P2RY12: variants seen among roughly 807,000 people sequenced by gnomAD.
The protein encoded by P2RY12 is P2Y purinoceptor 12.
A neutral mutation model predicts 4.5 loss-of-function variants in P2RY12; 3 were observed. The ratio of observed to expected loss-of-function variants is 0.67; its 90% CI spans 0.31 to 1.74. P2RY12 has a LOEUF of 1.74. Among genes scored for constraint, P2RY12 ranks in the 40% most tolerant of loss-of-function variants. The probability of loss-of-function intolerance (pLI) is 0.09; values close to 1 mark genes in which losing one functional copy is unlikely to be tolerated. For missense variants in P2RY12, 356 were observed against 407.8 expected (o/e 0.87, Z 1.09); for synonymous variants, 148 against 154.1 (o/e 0.96, Z 0.29).
intron 1 of P2RY12, chr3:151,377,225 G>C: frequency 6.6e-7 from 1 of 1,514,886 alleles, no homozygotes; most frequent in Non-Finnish European, 9.0e-7. Context: ...TTTTTCACAA[G>C]TAACGGTAAA....
intron 1 of P2RY12, chr3:151,376,285 C>G: frequency 8.3e-7 from 1 of 1,205,250 alleles, no homozygotes; most frequent in Non-Finnish European, 1.1e-6. Flanking sequence ...GTTACTTCCT[C>G]TCTTTTTTTG....
chr3:151,383,721 A>G (rs1056746464), intron 1 of P2RY12: 21 of 1,082,598 alleles, frequency 1.9e-5, no homozygotes, highest in Admixed American at 8.3e-5. Context: ...ACATAAAGCA[A>G]TGGGGTGTTC....
chr3:151,362,790 TATGAA>T (rs1346224544), intron 1 of P2RY12, among the ~76,000 whole-genome samples: 7 of 152,164 alleles, frequency 4.6e-5, no homozygotes. Flanking sequence ...AGTGTGAAAA[TATGAA>T]ATGGGTTAGG....
chr3:151,343,291 C>T (rs1752104737), intron 1 of P2RY12, among the ~76,000 whole-genome samples: 1 of 152,160 alleles, frequency 6.6e-6, no homozygotes, highest in South Asian at 2.1e-4. Context: ...ATTACTAATT[C>T]AGAATACTTA....
At position 151,360,649 on chromosome 3, in the gene P2RY12, A is replaced by G. The variant is rs754322880; in HGVS notation, c.-179-19889T>C. The G allele has an allele frequency of 5.8e-6, 9 of 1,560,144 alleles. No individual in the cohort carries two copies. In the East Asian group the frequency reaches 1.1e-4, roughly 20 times the overall value. ...AAAGGACAGAAATAGGATCATGCCT[A>G]TGTTTGTTAGTGACCCTGACAATAT... On this transcript the variant is annotated intron_variant, in intron 1 of 2. Coordinates refer to ENST00000302632, the MANE Select transcript of P2RY12 (RefSeq NM_022788.5).
In P2RY12 at chr3:151,377,996, C is replaced by T. The variant is rs376950985; in HGVS notation, c.-180+6696G>A. On this transcript the variant is annotated intron_variant, in intron 1 of 2. Transcript: ENST00000302632. ...AAGGATGCTTTCTCCGGTGTAACAC[C>T]TGTTTCTGATTTTAGTTCCTCCGAA... The T allele has an allele frequency of 1.5e-5, 24 of 1,581,854 alleles. No individual in the cohort carries two copies. In the African/African-American group the frequency reaches 3.2e-4, roughly 21 times the overall value.
Position 151,338,088 on chromosome 3 carries a change from T to A in P2RY12, c.758A>T (p.His253Leu). ...AVFFICFVPF[H>L]FARIPYTLSQ... The stretch of plus-strand genomic sequence containing the variant: ...CAGGGTGTAAGGAATTCGGGCAAAA[T>A]GGAAAGGAACAAAACAAATAAAGAA... Residue 253 changes from histidine (H) to leucine (L), a missense_variant, in exon 3 of 3, where the codon CAT becomes CTT. By Grantham distance (99) the His-to-Leu change is moderately conservative (BLOSUM62 -3). Coordinates refer to ENST00000302632, the MANE Select transcript of P2RY12 (RefSeq NM_022788.5). 6.2e-7 allele frequency: 1 copy of A among 1,613,588 alleles called. No homozygotes were observed. The highest frequency in any genetic ancestry group is 1.1e-5 in the South Asian group (1 of 91,050).
intron 1 of P2RY12, among the ~76,000 whole-genome samples, chr3:151,355,547 A>G (rs1753802897): frequency 6.6e-6 from 1 of 152,206 alleles, no homozygotes; most frequent in African/African-American, 2.4e-5. Context: ...TCTGTTGATG[A>G]TTGAAATAAA....
chr3:151,384,195 A>G (rs759343036), intron 1 of P2RY12: 9 of 1,607,568 alleles, frequency 5.6e-6, no homozygotes, highest in Admixed American at 1.7e-5. Context: ...GCGTGCATAC[A>G]TGAATTTAGT....
intron 1 of P2RY12, among the ~76,000 whole-genome samples, chr3:151,356,387 G>C (rs930704263): frequency 1.3e-5 from 2 of 151,804 alleles, no homozygotes; most frequent in Admixed American, 1.3e-4. Flanking sequence ...GCAAGGCCCT[G>C]TCTCAAAAAT....
chr3:151,378,096 C>T (rs774473439), intron 1 of P2RY12: 39 of 1,611,342 alleles, frequency 2.4e-5, no homozygotes, highest in Admixed American at 6.7e-5. Flanking sequence ...TGCTGAAAGC[C>T]GCTGGGGAAG....
At chr3:151,378,262 C>A in intron 1 of P2RY12, 1 of 1,271,604 alleles carries the variant, frequency 7.9e-7, no homozygotes, top group Non-Finnish European at 1.0e-6. Flanking sequence ...TCACTGTACC[C>A]ACAGTCCACT....
chr3:151,366,228 CTT>C (rs1221556880), intron 1 of P2RY12, among the ~76,000 whole-genome samples: 5 of 152,110 alleles, frequency 3.3e-5, no homozygotes, highest in African/African-American at 1.2e-4. Context: ...CCAAGAATTT[CTT>C]TGTTTCCTGA....
At position 151,372,651 on chromosome 3, in the gene P2RY12, CTGA is replaced by C. The variant is rs754214730; in HGVS notation, c.-180+12038_-180+12040del. The C allele has an allele frequency of 1.3e-4, 209 of 1,613,712 alleles. No homozygotes were observed. Among genetic ancestry groups the C allele is most frequent in the Non-Finnish European group, 1.7e-4 (201 of 1,179,776 alleles). On this transcript the variant is annotated intron_variant, in intron 1 of 2. Transcript: ENST00000302632. ...AGAGGTTTGCGATGTGATGGGAATG[CTGA>C]TGATATCTGGACTGCCTCACAAAAT...
At position 151,338,299 on chromosome 3, in the gene P2RY12, C is replaced by T. The variant is rs764657007; in HGVS notation, c.547G>A (p.Gly183Ser). 9 of 1,613,888 alleles carry T rather than the reference C, an allele frequency of 5.6e-6. No individual in the cohort carries two copies. Among genetic ancestry groups the T allele is most frequent in the African/African-American group, 1.3e-5 (1 of 74,876 alleles). Reference sequence around the variant, plus strand: ...TTTACTATTTCATGCCAGACTAGACCGAACTCTGATTTAAGGAAAGAGCAT... The same window carrying T: ...TTTACTATTTCATGCCAGACTAGACTGAACTCTGATTTAAGGAAAGAGCAT... Reference protein sequence around the residue: ...KKCSFLKSEFGLVWHEIVNYI... With the variant: ...KKCSFLKSEFSLVWHEIVNYI... The change falls in exon 3 of 3, where the codon GGT (glycine) becomes AGT (serine). Residue 183 changes from glycine (G) to serine (S), a missense_variant. Coordinates refer to ENST00000302632, the MANE Select transcript of P2RY12 (RefSeq NM_022788.5).
At chr3:151,365,299 C>T in intron 1 of P2RY12, 1 of 1,019,490 alleles carries the variant, frequency 9.8e-7, no homozygotes, top group Non-Finnish European at 1.5e-6. Context: ...TGTCTGGACT[C>T]ACATTTGGCT....
chr3:151,342,941 G>C (rs1158466447), intron 1 of P2RY12, among the ~76,000 whole-genome samples: 1 of 152,074 alleles, frequency 6.6e-6, no homozygotes, highest in Non-Finnish European at 1.5e-5. Context: ...TCATTCTCTG[G>C]ATGAGGGGAA....
At chr3:151,364,474 CCTCT>C (rs1405445201) in intron 1 of P2RY12, among the ~76,000 whole-genome samples, 2 of 152,162 alleles carry the variant, frequency 1.3e-5, no homozygotes, top group African/African-American at 4.8e-5. Flanking sequence ...AAGGAATGTG[CCTCT>C]CTTTTTCACA....
intron 1 of P2RY12, chr3:151,372,798 G>A (rs1756349423): frequency 6.4e-7 from 1 of 1,561,170 alleles, no homozygotes; most frequent in African/African-American, 1.4e-5. Context: ...TTTACTTTGA[G>A]TACGTAACTC....
Sources: allele counts gnomAD v4.1 joint callset (sites outside exome capture counted in the v4.1 genomes callset), GRCh38; gene constraint gnomAD v4.1.1; transcripts MANE v1.5; gene names NCBI Gene and HGNC (gene_info 2026-07-23, HGNC 2026-07-21).